The following CFAP58 variants were observed in gnomAD, a reference collection of about 807,000 sequenced individuals.
CFAP58 encodes the protein cilia- and flagella-associated protein 58.
In CFAP58, 88 loss-of-function variants were observed where a neutral mutation model predicts 119.5. The observed-to-expected ratio is 0.74, with a 90% CI of 0.62 to 0.88. CFAP58 has a LOEUF of 0.88. Ranked by LOEUF, CFAP58 falls within the 40% of genes least tolerant of loss-of-function variation. CFAP58 has a pLI of 0.00. For synonymous variants in CFAP58, 365 were observed against 366.3 expected (o/e 1.00, Z 0.04); for missense variants, 990 against 1,021.2 (o/e 0.97, Z 0.42).
rs141632327 is a variant in CFAP58 at position 104,354,214 on chromosome 10, A to T, written c.9+308A>T. Among the ~76,000 whole-genome samples the T allele has an allele frequency of 1.9e-3, 290 of 152,274 alleles. 1 individual carries two copies. Among genetic ancestry groups the T allele is most frequent in the African/African-American group, 6.7e-3 (280 of 41,548 alleles). On this transcript the variant is annotated intron_variant, in intron 1 of 17. Transcript: ENST00000369704. ...CCCAGCCCTAGATTTTTAGTCATGG[A>T]GTGATACCATAAGAGAGGCTCACAC...
At position 104,358,404 on chromosome 10, in the gene CFAP58, G is replaced by A; in HGVS notation, c.73G>A (p.Gly25Arg). Residue 25 changes from glycine to arginine, a missense_variant, in exon 2 of 18, where the codon GGA becomes AGA. By Grantham distance (125) the Gly-to-Arg change is moderately radical. Coordinates refer to ENST00000369704, the MANE Select transcript of CFAP58 (RefSeq NM_001008723.2). ...TGAAGAAATGGAAAGAGATTTTCAG[G>A]GAGTTCTCCATGAACTTTCTGGAGA... ...AFEEMERDFQGVLHELSGDKS... is the reference protein window; with the variant it reads ...AFEEMERDFQRVLHELSGDKS... 6.2e-7 allele frequency: 1 copy of A among 1,613,962 alleles called. No homozygotes were observed. The highest frequency in any genetic ancestry group is 1.3e-5 in the African/African-American group (1 of 75,012).
At chr10:104,357,822 T>A (rs191720014) in intron 1 of CFAP58, among the ~76,000 whole-genome samples, 4 of 147,754 alleles carry the variant, frequency 2.7e-5, no homozygotes, top group Non-Finnish European at 6.0e-5. Context: ...TATGTACATA[T>A]ATACACATAT....
chr10:104,385,987 A>G (rs2133021455), intron 9 of CFAP58, among the ~76,000 whole-genome samples: 1 of 152,206 alleles, frequency 6.6e-6, no homozygotes, highest in East Asian at 1.9e-4. Context: ...GAGTGGAAGG[A>G]ACCATATTAA....
At chr10:104,442,549 T>C (rs2013055280) in intron 15 of CFAP58, among the ~76,000 whole-genome samples, 1 of 151,026 alleles carries the variant, frequency 6.6e-6, no homozygotes, top group African/African-American at 2.4e-5. Context: ...GATGGTGCCA[T>C]TGCACTCCAG....
In CFAP58 at chr10:104,454,349, C is replaced by G. The variant is rs114933368; in HGVS notation, c.2511-73C>G. 1.1e-3 allele frequency: 1,302 copies of G among 1,198,896 alleles called. 10 individuals carry two copies. The African/African-American group carries it at 0.017, about 16-fold the overall frequency. The allele number at this position is 1,198,896 out of a possible 1,614,324, so 74.3% of individuals were successfully genotyped here. On this transcript the variant is annotated intron_variant, in intron 17 of 17. Coordinates refer to ENST00000369704, the MANE Select transcript of CFAP58 (RefSeq NM_001008723.2). ...AAGTAGTTTTCAGTGGCTAACACACCCTAGGATTATCAAATGTCAAACTTA... is the reference window on the plus strand; with the variant it reads ...AAGTAGTTTTCAGTGGCTAACACACGCTAGGATTATCAAATGTCAAACTTA...
chr10:104,339,023 C>T, the CFAP58 span, among the ~76,000 whole-genome samples: 1 of 152,096 alleles, frequency 6.6e-6, no homozygotes, highest in Non-Finnish European at 1.5e-5. Flanking sequence ...ATTCTCCTGC[C>T]TCAGCCTCCC....
rs775797691 is a variant in CFAP58 at position 104,392,344 on chromosome 10, G to C, written c.1477G>C (p.Ala493Pro). 21 of 1,611,278 alleles carry C rather than the reference G, an allele frequency of 1.3e-5. No individual in the cohort carries two copies. The South Asian group carries it at 2.3e-4, about 18-fold the overall frequency. The change falls in exon 10 of 18, where the codon GCT becomes CCT. Residue 493 changes from alanine to proline, a missense_variant. By Grantham distance (27) the Ala-to-Pro change is conservative. Coordinates refer to ENST00000369704, the MANE Select transcript of CFAP58 (RefSeq NM_001008723.2). ...KLKQQQNLYE[A>P]VRSDRNLYSK... Reference sequence around the variant, plus strand: ...AAAACAGCAACAGAACCTATATGAAGCTGTGAGATCAGACAGAAATCTGTA... The same window carrying C: ...AAAACAGCAACAGAACCTATATGAACCTGTGAGATCAGACAGAAATCTGTA...
Position 104,393,646 on chromosome 10 carries a change from C to T in CFAP58, c.1674+171C>T, listed in dbSNP as rs930503082. ...AAGGCACCAGGAGGATGAGCTTTACCATCTCTAGGTCAGGGCTCCTTACAG... is the reference window on the plus strand; with the variant it reads ...AAGGCACCAGGAGGATGAGCTTTACTATCTCTAGGTCAGGGCTCCTTACAG... On this transcript the variant is annotated intron_variant, in intron 11 of 17. Transcript: ENST00000369704. Among the ~76,000 whole-genome samples, 5 of 152,266 alleles carry T rather than the reference C, an allele frequency of 3.3e-5. No individual in the cohort carries two copies. In the East Asian group the frequency reaches 5.8e-4, roughly 18 times the overall value.
chr10:104,396,369 T>TGAGAGAGAGAGA lies in CFAP58; in HGVS notation c.1675-2932_1675-2921dup, dbSNP rs57210958. ...GCCATGGATAGGGAGCTGTTATCCA[T>TGAGAGAGAGAGA]GAGAGAGAGAGAGAGAGAGAGAGAG... On this transcript the variant is annotated intron_variant, in intron 11 of 17. Transcript: ENST00000369704. Among the ~76,000 whole-genome samples, 97 of 86,842 alleles carry TGAGAGAGAGAGA rather than the reference T, an allele frequency of 1.1e-3. 2 individuals are homozygous for TGAGAGAGAGAGA. Among genetic ancestry groups the TGAGAGAGAGAGA allele is most frequent in the Non-Finnish European group, 1.5e-3 (64 of 42,842 alleles). 57.0% of individuals were successfully genotyped at this position (86,842 alleles called of 152,430 possible). A position where few individuals can be genotyped will look rare whatever the true frequency, so the allele number is the denominator to read the frequency against.
chr10:104,407,495 C>T (rs2012384512), intron 15 of CFAP58, among the ~76,000 whole-genome samples: 1 of 152,108 alleles, frequency 6.6e-6, no homozygotes, highest in Non-Finnish European at 1.5e-5. Context: ...AGTTAGATGG[C>T]TTGGTTTGGA....
intron 15 of CFAP58, among the ~76,000 whole-genome samples, chr10:104,429,488 T>G (rs2012807039): frequency 6.6e-6 from 1 of 152,228 alleles, no homozygotes. Context: ...CAGTGTCTAC[T>G]GTGGCATATC....
chr10:104,448,674 A>G (rs1480887178), intron 16 of CFAP58, among the ~76,000 whole-genome samples: 1 of 152,210 alleles, frequency 6.6e-6, no homozygotes, highest in Non-Finnish European at 1.5e-5. Context: ...GACATTGTAA[A>G]ACTGCATCCT....
chr10:104,357,886 T>TACACAC (rs1398038531), intron 1 of CFAP58, among the ~76,000 whole-genome samples: 1 of 121,444 alleles, frequency 8.2e-6, no homozygotes, highest in African/African-American at 4.1e-5. Context: ...TGTACACATA[T>TACACAC]ATAAACATAT....
chr10:104,362,924 C>G (rs147118126), intron 3 of CFAP58, among the ~76,000 whole-genome samples: 1 of 152,162 alleles, frequency 6.6e-6, no homozygotes, highest in African/African-American at 2.4e-5. Flanking sequence ...TAGCCTCGTG[C>G]GAGCCCATCA....
intron 2 of CFAP58, among the ~76,000 whole-genome samples, chr10:104,361,255 A>G (rs1240570424): frequency 6.6e-6 from 1 of 152,268 alleles, no homozygotes; most frequent in African/African-American, 2.4e-5. Flanking sequence ...CCAAAGCTGC[A>G]TGGGTCATTG....
At chr10:104,425,920 G>A (rs967662627) in intron 15 of CFAP58, among the ~76,000 whole-genome samples, 2 of 152,174 alleles carry the variant, frequency 1.3e-5, no homozygotes, top group African/African-American at 4.8e-5. Flanking sequence ...GGAGAAAGGA[G>A]CAAATCCATG....
At chr10:104,401,225 A>G (rs753905447) in intron 13 of CFAP58, among the ~76,000 whole-genome samples, 24 of 152,192 alleles carry the variant, frequency 1.6e-4, no homozygotes, top group Non-Finnish European at 3.2e-4. Context: ...TTTTCCCCCA[A>G]TGAGCTTTCT....
upstream of CFAP58, chr10:104,351,539 G>A (rs1362138077): frequency 6.6e-6 from 1 of 152,190 alleles, no homozygotes; most frequent in Admixed American, 6.5e-5. Flanking sequence ...ACATACTCAT[G>A]TCTATTTGGA....
At chr10:104,373,524 C>T (rs1245706908) in intron 7 of CFAP58, among the ~76,000 whole-genome samples, 4 of 152,142 alleles carry the variant, frequency 2.6e-5, no homozygotes, top group African/African-American at 7.2e-5. Context: ...TGTAGTGGCA[C>T]ATGCCTATAG....
Sources: gnomAD v4.1 joint callset for allele counts (sites outside exome capture counted in the v4.1 genomes callset) on GRCh38, gnomAD v4.1.1 for gene constraint, MANE v1.5 for transcripts, NCBI Gene and HGNC (gene_info 2026-07-23, HGNC 2026-07-21) for gene names.